Variants in HHAT observed in about 807,000 individuals in gnomAD.
HHAT encodes protein-cysteine N-palmitoyltransferase HHAT.
HHAT carries 47 observed loss-of-function variants against 70.8 expected under a neutral mutation model. That is an observed-to-expected ratio of 0.66 (90% CI 0.53 to 0.85). The LOEUF (loss-of-function observed/expected upper bound fraction) is 0.85, where lower values mean the gene tolerates loss of function less well. HHAT is among the 40% of genes least tolerant of loss of function. The probability of loss-of-function intolerance (pLI) is 0.00; values close to 1 mark genes in which losing one functional copy is unlikely to be tolerated. For synonymous variants in HHAT, 228 were observed against 247.6 expected, an observed-to-expected ratio of 0.92 and a Z score of 0.74; for missense variants, 609 against 604.8, an observed-to-expected ratio of 1.01 and a Z score of -0.07.
intron 10 of HHAT, among the ~76,000 whole-genome samples, chr1:210,608,484 AG>A (rs1182052207): frequency 2.0e-5 from 3 of 152,144 alleles, no homozygotes; most frequent in Non-Finnish European, 4.4e-5. Flanking sequence ...GATTTCTGCT[AG>A]GGAAAGCCCC....
At chr1:210,361,067 A>G (rs1446650117) in intron 2 of HHAT, among the ~76,000 whole-genome samples, 2 of 152,094 alleles carry the variant, frequency 1.3e-5, no homozygotes, top group East Asian at 1.9e-4. Flanking sequence ...CTCTTAAAGA[A>G]GCACCAAAAA....
chr1:210,528,486 A>G (rs56744585), intron 9 of HHAT, among the ~76,000 whole-genome samples: 8,156 of 152,250 alleles, frequency 0.054, 475 homozygotes, highest in East Asian at 0.25. Context: ...ATGAATGACT[A>G]AGGAGTTTCC....
At chr1:210,634,381 G>T (rs555805903) in intron 11 of HHAT, among the ~76,000 whole-genome samples, 1 of 152,306 alleles carries the variant, frequency 6.6e-6, no homozygotes, top group South Asian at 2.1e-4. Context: ...ACTCTCATTT[G>T]TCTTGGTTCC....
chr1:210,554,018 G>T (rs1417145895), intron 9 of HHAT, among the ~76,000 whole-genome samples: 1 of 152,138 alleles, frequency 6.6e-6, no homozygotes, highest in Non-Finnish European at 1.5e-5. Flanking sequence ...CATTTCTGTT[G>T]TCATACATCA....
intron 1 of HHAT, among the ~76,000 whole-genome samples, chr1:210,337,578 C>T (rs372826210): frequency 6.6e-6 from 1 of 152,108 alleles, no homozygotes; most frequent in Non-Finnish European, 1.5e-5. Context: ...CCAGGAGCCC[C>T]TCCTCCATCT....
At chr1:210,664,624 T>G (rs984406419) in intron 11 of HHAT, among the ~76,000 whole-genome samples, 1 of 152,218 alleles carries the variant, frequency 6.6e-6, no homozygotes, top group African/African-American at 2.4e-5. Flanking sequence ...AGCAGAGATA[T>G]GTACATACAG....
intron 9 of HHAT, among the ~76,000 whole-genome samples, chr1:210,545,280 A>C (rs4845049): frequency 0.073 from 11,045 of 152,134 alleles, 739 homozygotes; most frequent in East Asian, 0.3. Flanking sequence ...CATTCAGCCT[A>C]ATGAGTTTTC....
chr1:210,422,883 C>T (rs1349667935), intron 7 of HHAT, among the ~76,000 whole-genome samples: 2 of 152,140 alleles, frequency 1.3e-5, no homozygotes, highest in Admixed American at 6.5e-5. Context: ...GTGATCTGCC[C>T]ACCTCAGCCT....
At chr1:210,674,025 T>G (rs1266531673) in intron 11 of HHAT, among the ~76,000 whole-genome samples, 1 of 151,796 alleles carries the variant, frequency 6.6e-6, no homozygotes, top group Non-Finnish European at 1.5e-5. Context: ...TAGTTACATA[T>G]GTATACATGT....
intron 8 of HHAT, among the ~76,000 whole-genome samples, chr1:210,476,569 A>G (rs1254605120): frequency 6.6e-6 from 1 of 152,138 alleles, no homozygotes; most frequent in East Asian, 1.9e-4. Flanking sequence ...AACCTCCATG[A>G]CTTGGGTGCT....
At position 210,652,881 on chromosome 1, in the gene HHAT, A is replaced by C. The variant is rs113941095; in HGVS notation, c.1391-21407A>C. ...ACCTCATAGATTCCTGTAGAAGTAT[A>C]AAGTGCCAGCTCCTCTAGAGAGAGC... On this transcript the variant is annotated intron_variant, in intron 11 of 11. Transcript: ENST00000261458. 1.1e-3 allele frequency among the ~76,000 whole-genome samples: 173 copies of C among 152,352 alleles called. 1 individual carries two copies. Among genetic ancestry groups the C allele is most frequent in the African/African-American group, 4.1e-3 (169 of 41,576 alleles).
At chr1:210,554,549 G>A (rs2095555912) in intron 9 of HHAT, among the ~76,000 whole-genome samples, 1 of 152,186 alleles carries the variant, frequency 6.6e-6, no homozygotes, top group African/African-American at 2.4e-5. Context: ...GTGAGTCTGT[G>A]GAGGTGCTGT....
At chr1:210,337,732 G>A (rs923762470) in intron 1 of HHAT, among the ~76,000 whole-genome samples, 1 of 152,104 alleles carries the variant, frequency 6.6e-6, no homozygotes, top group African/African-American at 2.4e-5. Context: ...TCAATCAGAA[G>A]ATCCTTAATC....
At chr1:210,373,005 C>T (rs541646865) in intron 3 of HHAT, among the ~76,000 whole-genome samples, 1 of 152,218 alleles carries the variant, frequency 6.6e-6, no homozygotes, top group East Asian at 1.9e-4. Context: ...CTTTCAGGTG[C>T]AGCTTTAGGT....
intron 4 of HHAT, among the ~76,000 whole-genome samples, chr1:210,391,724 CAA>C (rs2091471748): frequency 6.6e-6 from 1 of 152,120 alleles, no homozygotes; most frequent in Non-Finnish European, 1.5e-5. Context: ...TTGGCAAAAA[CAA>C]AACAAAAATC....
At chr1:210,495,249 C>T (rs1444239485) in intron 8 of HHAT, among the ~76,000 whole-genome samples, 2 of 150,500 alleles carry the variant, frequency 1.3e-5, no homozygotes, top group Admixed American at 6.6e-5. Flanking sequence ...ATAATACATG[C>T]TTAATATATA....
At chr1:210,430,030 C>T (rs946059372) in intron 7 of HHAT, among the ~76,000 whole-genome samples, 1 of 151,834 alleles carries the variant, frequency 6.6e-6, no homozygotes, top group Non-Finnish European at 1.5e-5. Context: ...AATGTGTAAT[C>T]GTTCCTCTTT....
At position 210,329,105 on chromosome 1, in the gene HHAT, G is replaced by C. The variant is rs2084752740; in HGVS notation, c.-44+1G>C. ...CGCCGCCGCCCGGGACAGCCCGGAG[G>C]TTGGTAACTGGTGACCATAGGGGGT... is the stretch of plus-strand genomic sequence containing the variant. On this transcript the variant is annotated splice_donor_variant, in intron 1 of 11. Coordinates refer to ENST00000261458, the MANE Select transcript of HHAT (RefSeq NM_018194.6). LOFTEE classifies it low-confidence loss of function (5UTR_SPLICE). 1 of 1,390,082 alleles carries C rather than the reference G, an allele frequency of 7.2e-7. No homozygotes were observed. The highest frequency in any genetic ancestry group is 1.5e-5 in the African/African-American group (1 of 66,812). 86.1% of individuals were successfully genotyped at this position (1,390,082 alleles called of 1,614,324 possible).
At chr1:210,509,137 A>G (rs758378903) in intron 8 of HHAT, among the ~76,000 whole-genome samples, 11 of 152,232 alleles carry the variant, frequency 7.2e-5, no homozygotes, top group Non-Finnish European at 1.6e-4. Context: ...AATAACTGCA[A>G]TATGCAGATT....
Sources: allele counts gnomAD v4.1 joint callset (sites outside exome capture counted in the v4.1 genomes callset), GRCh38; gene constraint gnomAD v4.1.1; transcripts MANE v1.5; gene names NCBI Gene and HGNC (gene_info 2026-07-23, HGNC 2026-07-21).